ACCS: variants seen among roughly 807,000 people sequenced by gnomAD.
The protein encoded by ACCS is 1-aminocyclopropane-1-carboxylate synthase homolog (inactive).
ACCS carries 42 observed loss-of-function variants against 59.8 expected under a neutral mutation model. That is an observed-to-expected ratio of 0.70 (90% CI 0.55 to 0.91). ACCS has a LOEUF of 0.91. Ranked by LOEUF, ACCS falls within the 40% of genes least tolerant of loss-of-function variation. The pLI, the probability that ACCS is intolerant of heterozygous loss-of-function variation, is 0.00. For missense variants in ACCS, 602 were observed against 630.4 expected (o/e 0.95, Z 0.48); for synonymous variants, 230 against 240.3 (o/e 0.96, Z 0.40).
chr11:44,077,129 T>TGCC (rs1953401943), intron 6 of ACCS, 150 bp from the exon 7 acceptor site: 1 of 829,686 alleles, frequency 1.2e-6, no homozygotes, highest in South Asian at 2.2e-5. Flanking sequence ...ATCCAAGCTT[T>TGCC]CCAAAGTGTT....
Position 44,075,527 on chromosome 11 carries a change from T to C in ACCS, c.491T>C (p.Val164Ala). Residue 164 changes from valine (V) to alanine (A), a missense_variant and splice_region_variant, in exon 6 of 15, where the codon GTG (valine) becomes GCG (alanine). Val to Ala is a moderately conservative substitution (Grantham distance 64). Transcript: ENST00000263776. ...ATCCCTTGGATATGTCGCCCTTAGG[T>C]GGTTGTCCTGAATGGTGGTGCCTCG... ...KSPVPLRPEN[V>A]VVLNGGASLF... is the part of the protein sequence containing the mutation. The C allele has an allele frequency of 6.2e-7, 1 of 1,613,956 alleles. No homozygotes were observed. The highest frequency in any genetic ancestry group is 8.5e-7 in the Non-Finnish European group (1 of 1,179,934).
At chr11:44,068,904 C>CA (rs551695277) in intron 2 of ACCS, among the ~76,000 whole-genome samples, 186 of 152,222 alleles carry the variant, frequency 1.2e-3, no homozygotes, top group African/African-American at 4.4e-3. Context: ...GTTAGGGAGA[C>CA]AAACAGTGAA....
chr11:44,078,745 C>A lies in ACCS; in HGVS notation c.794C>A (p.Ser265Tyr), dbSNP rs768714577. Reference protein sequence around the residue: ...SPQNPLGDVYSPEELQEYLVF... With the variant: ...SPQNPLGDVYYPEELQEYLVF... Reference sequence around the variant, plus strand: ...CAGAACCCTCTGGGTGATGTATACTCCCCTGAAGAGCTACAGGAGTACCTG... The same window carrying A: ...CAGAACCCTCTGGGTGATGTATACTACCCTGAAGAGCTACAGGAGTACCTG... The change falls in exon 9 of 15, where the codon TCC becomes TAC. Residue 265 changes from serine to tyrosine, a missense_variant. By Grantham distance (144) the Ser-to-Tyr change is moderately radical. Coordinates refer to ENST00000263776, the MANE Select transcript of ACCS (RefSeq NM_032592.4). 1 of 1,614,054 alleles carries A rather than the reference C, an allele frequency of 6.2e-7. No homozygotes were observed. Among genetic ancestry groups the A allele is most frequent in the East Asian group, 2.2e-5 (1 of 44,860 alleles).
chr11:44,067,491 C>A, intron 1 of ACCS, 137 bp from the exon 2 acceptor site: 2 of 895,148 alleles, frequency 2.2e-6, no homozygotes, highest in Non-Finnish European at 3.4e-6. Flanking sequence ...AGCTAAGGGA[C>A]ACAGGAAGTG....
chr11:44,081,289 G>T lies in ACCS; in HGVS notation c.1080G>T (p.Gln360His), dbSNP rs1310541698. Residue 360 changes from glutamine (Q) to histidine (H), a missense_variant, in exon 12 of 15, where the codon CAG becomes CAT. Gln to His is a conservative substitution (Grantham distance 24). Transcript: ENST00000263776. ...ACCACGGCCTCAGTGGCTTGGTCCAGTACCAGATGGCACAGCTGCTCCGGG... is the reference window on the plus strand; with the variant it reads ...ACCACGGCCTCAGTGGCTTGGTCCATTACCAGATGGCACAGCTGCTCCGGG... ...CRYHGLSGLV[Q>H]YQMAQLLRDR... 1.2e-6 allele frequency: 2 copies of T among 1,614,134 alleles called. No individual in the cohort carries two copies. The highest frequency in any genetic ancestry group is 1.7e-5 in the Admixed American group (1 of 60,018).
In ACCS at chr11:44,079,945, C is replaced by G. The variant is rs117652920; in HGVS notation, c.923+325C>G. 7.8e-3 allele frequency among the ~76,000 whole-genome samples: 1,189 copies of G among 152,248 alleles called. 11 individuals are homozygous for G. The highest frequency in any genetic ancestry group is 0.012 in the Non-Finnish European group (819 of 68,008). On this transcript the variant is annotated intron_variant, in intron 10 of 14. Coordinates refer to ENST00000263776, the MANE Select transcript of ACCS (RefSeq NM_032592.4). The stretch of plus-strand genomic sequence containing the variant: ...AGTTTTATTCATTCATTCATTTACT[C>G]ATTCATGCTCTCATTCACTCAGCAC...
rs372910068 is a variant in ACCS, at chr11:44,067,929, C to G, written c.288+14C>G. ...AAGAACCCCAGTGTGAGTGAAGCTC[C>G]CCTCCCACTGGGACCCAAGAGAGAA... On this transcript the variant is annotated intron_variant, in intron 2 of 14. Coordinates refer to ENST00000263776, the MANE Select transcript of ACCS (RefSeq NM_032592.4). 1 of 1,581,578 alleles carries G rather than the reference C, an allele frequency of 6.3e-7. No homozygotes were observed. Among genetic ancestry groups the G allele is most frequent in the African/African-American group, 1.4e-5 (1 of 73,846 alleles).
intron 2 of ACCS, among the ~76,000 whole-genome samples, chr11:44,069,300 A>C (rs1001770425): frequency 2.0e-5 from 3 of 151,820 alleles, no homozygotes; most frequent in Non-Finnish European, 4.4e-5. Flanking sequence ...GATCACTGCA[A>C]CCTCTGCCTC....
intron 2 of ACCS, among the ~76,000 whole-genome samples, chr11:44,068,987 C>CA (rs1479059160): frequency 1.3e-5 from 2 of 152,084 alleles, no homozygotes; most frequent in Non-Finnish European, 2.9e-5. Flanking sequence ...TTAAAGAAGA[C>CA]AGAGAAAGAT....
intron 4 of ACCS, among the ~76,000 whole-genome samples, chr11:44,073,991 C>A (rs926497940): frequency 5.3e-5 from 8 of 152,154 alleles, no homozygotes; most frequent in African/African-American, 1.9e-4. Flanking sequence ...CTTGTGGACA[C>A]TGTTCTAAGG....
chr11:44,075,681 A>C, intron 6 of ACCS, 89 bp downstream of exon 6: 1 of 1,468,892 alleles, frequency 6.8e-7, no homozygotes, highest in African/African-American at 1.4e-5. Context: ...CTGCAATAGT[A>C]TGCTTTCGGG....
intron 4 of ACCS, 67 bp downstream of exon 4, chr11:44,073,584 G>A: frequency 6.6e-7 from 1 of 1,505,054 alleles, no homozygotes; most frequent in Non-Finnish European, 9.0e-7. Context: ...AGACATTTTT[G>A]GTTGTTATAA....
At chr11:44,080,565 G>A (rs1953592856) in intron 10 of ACCS, 1 of 187,300 alleles carries the variant, frequency 5.3e-6, no homozygotes, top group South Asian at 1.1e-4. Flanking sequence ...GACCCTTCTT[G>A]TGTAGAACTT....
chr11:44,074,556 A>T, intron 4 of ACCS, 56 bp from the exon 5 acceptor site: 1 of 1,357,210 alleles, frequency 7.4e-7, no homozygotes, highest in Non-Finnish European at 1.1e-6. Context: ...GAGCTTCAGG[A>T]TGCACCGTGG....
chr11:44,067,667 A>G lies in ACCS; in HGVS notation c.40A>G (p.Thr14Ala). The change falls in exon 2 of 15, where the codon ACC becomes GCC. Residue 14 changes from threonine (T) to alanine (A), a missense_variant. Physicochemically the swap from Thr to Ala is moderately conservative, Grantham distance 58. Coordinates refer to ENST00000263776, the MANE Select transcript of ACCS (RefSeq NM_032592.4). Reference sequence around the variant, plus strand: ...TCAAAAGGACTTCAGGGCTCCCACCACCTGTCTGGGCCCCACCTGCATGCA... The same window carrying G: ...TCAAAAGGACTTCAGGGCTCCCACCGCCTGTCTGGGCCCCACCTGCATGCA... ...LPQKDFRAPT[T>A]CLGPTCMQDL... The G allele has an allele frequency of 6.2e-7, 1 of 1,613,648 alleles. No homozygotes were observed. The highest frequency in any genetic ancestry group is 8.5e-7 in the Non-Finnish European group (1 of 1,179,810).
chr11:44,067,538 G>T (rs1000371666), intron 1 of ACCS, 90 bp from the exon 2 acceptor site: 2 of 1,372,176 alleles, frequency 1.5e-6, no homozygotes, highest in Non-Finnish European at 2.0e-6. Context: ...GCAGATAAGA[G>T]AAAGGGGACT....
At chr11:44,067,392 A>G (rs1342253003) in intron 1 of ACCS, 1 of 473,198 alleles carries the variant, frequency 2.1e-6, no homozygotes, top group Non-Finnish European at 3.7e-6. Flanking sequence ...CAATACATTA[A>G]AGTCACGTCA....
intron 2 of ACCS, among the ~76,000 whole-genome samples, chr11:44,069,213 T>G (rs1952931087): frequency 6.6e-6 from 1 of 151,028 alleles, no homozygotes; most frequent in South Asian, 2.1e-4. Context: ...AAGATCTTTT[T>G]TTTCCTTTTT....
chr11:44,071,538 T>G, intron 3 of ACCS: 1 of 516,414 alleles, frequency 1.9e-6, no homozygotes, highest in Non-Finnish European at 3.4e-6. Context: ...CTTATTTCAC[T>G]CAGTCCCTCC....
Sources: gnomAD v4.1 joint callset for allele counts (sites outside exome capture counted in the v4.1 genomes callset) on GRCh38, gnomAD v4.1.1 for gene constraint, MANE v1.5 for transcripts, NCBI Gene and HGNC (gene_info 2026-07-23, HGNC 2026-07-21) for gene names.